Variants in KATNAL1 observed in about 807,000 individuals in gnomAD.
KATNAL1 encodes katanin p60 ATPase-containing subunit A-like 1.
Under a neutral mutation model 55.2 loss-of-function variants are expected in KATNAL1, and 32 were observed. The observed-to-expected ratio is 0.58, with a 90% CI of 0.44 to 0.78. KATNAL1 has a LOEUF of 0.78. Among genes scored for constraint, KATNAL1 ranks in the 30% least tolerant of loss-of-function variants. KATNAL1 has a pLI of 0.00. For synonymous variants in KATNAL1, 193 were observed against 193.6 expected (o/e 1.00, Z 0.02); for missense variants, 466 against 600.9 (o/e 0.78, Z 2.35).
intron 3 of KATNAL1, among the ~76,000 whole-genome samples, chr13:30,269,422 C>T (rs552231968): frequency 3.3e-5 from 5 of 152,260 alleles, no homozygotes; most frequent in African/African-American, 7.2e-5. Context: ...GGCGTGATCT[C>T]GGCTCGCTAC....
intron 9 of KATNAL1, among the ~76,000 whole-genome samples, chr13:30,215,421 G>C (rs28805029): frequency 0.099 from 15,068 of 152,184 alleles, 997 homozygotes; most frequent in East Asian, 0.35. Flanking sequence ...CATCCCATTA[G>C]TGGGTATATA....
chr13:30,225,842 T>C (rs750824845), intron 9 of KATNAL1, among the ~76,000 whole-genome samples: 26 of 152,104 alleles, frequency 1.7e-4, no homozygotes, highest in Non-Finnish European at 8.8e-5. Context: ...ATTTAAAATG[T>C]CTGCTTATTA....
At chr13:30,267,202 A>G (rs183187036) in intron 3 of KATNAL1, among the ~76,000 whole-genome samples, 7 of 152,300 alleles carry the variant, frequency 4.6e-5, no homozygotes, top group Admixed American at 2.0e-4. Flanking sequence ...TGAAAAACCT[A>G]AGATACTTAA....
chr13:30,284,630 CA>C (rs1483512172), intron 1 of KATNAL1, among the ~76,000 whole-genome samples: 2 of 152,134 alleles, frequency 1.3e-5, no homozygotes, highest in Non-Finnish European at 1.5e-5. Flanking sequence ...TAAATCTAAG[CA>C]AACACCTATA....
intron 3 of KATNAL1, among the ~76,000 whole-genome samples, chr13:30,277,054 T>G (rs1880898045): frequency 6.6e-6 from 1 of 152,220 alleles, no homozygotes; most frequent in South Asian, 2.1e-4. Flanking sequence ...GCTATCATCC[T>G]TTCCCTGAAA....
At chr13:30,243,507 C>T (rs1248481401) in intron 4 of KATNAL1, among the ~76,000 whole-genome samples, 1 of 150,664 alleles carries the variant, frequency 6.6e-6, no homozygotes, top group East Asian at 1.9e-4. Context: ...GGTTCAAAAC[C>T]CATGTCATAT....
Position 30,214,276 on chromosome 13 carries a change from T to G in KATNAL1, c.1148-3834A>C, listed in dbSNP as rs533025314. 1.3e-3 allele frequency among the ~76,000 whole-genome samples: 205 copies of G among 152,206 alleles called. 1 individual carries two copies. The highest frequency in any genetic ancestry group is 4.6e-3 in the African/African-American group (192 of 41,516). ...CACTCCTCAATGAAATAAAAGAGGA[T>G]ACAAAGAAATGGAAGAACATTCCAT... On this transcript the variant is annotated intron_variant, in intron 9 of 10. Coordinates refer to ENST00000380615, the MANE Select transcript of KATNAL1 (RefSeq NM_032116.5).
At chr13:30,246,982 G>A (rs181835526) in intron 4 of KATNAL1, among the ~76,000 whole-genome samples, 30 of 152,230 alleles carry the variant, frequency 2.0e-4, no homozygotes, top group East Asian at 7.7e-4. Context: ...AATGTGCCAC[G>A]TATTGTTCTA....
intron 4 of KATNAL1, among the ~76,000 whole-genome samples, chr13:30,242,582 A>G (rs1487212892): frequency 6.6e-6 from 1 of 152,184 alleles, no homozygotes; most frequent in Non-Finnish European, 1.5e-5. Context: ...CAGTATAATA[A>G]AATGTATTGC....
At chr13:30,299,687 A>T (rs889767355) in intron 1 of KATNAL1, among the ~76,000 whole-genome samples, 2 of 152,212 alleles carry the variant, frequency 1.3e-5, no homozygotes, top group African/African-American at 2.4e-5. Flanking sequence ...GAGATTATGT[A>T]TTCAAAAATA....
At chr13:30,213,124 A>T (rs1015741279) in intron 9 of KATNAL1, among the ~76,000 whole-genome samples, 1 of 152,218 alleles carries the variant, frequency 6.6e-6, no homozygotes, top group African/African-American at 2.4e-5. Context: ...ACAAACTACC[A>T]TCAGAGAATA....
At chr13:30,232,448 AG>A (rs1876196836) in intron 6 of KATNAL1, among the ~76,000 whole-genome samples, 1 of 152,344 alleles carries the variant, frequency 6.6e-6, no homozygotes, top group South Asian at 2.1e-4. Flanking sequence ...CAGATCAACC[AG>A]GAATCACTAA....
rs368995251 is a variant in KATNAL1, at chr13:30,303,833, T to C, written c.-15+3498A>G. Among the ~76,000 whole-genome samples, 63 of 152,336 alleles carry C rather than the reference T, an allele frequency of 4.1e-4. 1 individual carries two copies. Among genetic ancestry groups the C allele is most frequent in the Admixed American group, 1.5e-3 (23 of 15,304 alleles). On this transcript the variant is annotated intron_variant, in intron 1 of 10. Transcript: ENST00000380615. ...TTAACGGAAGCTTCATTTTAAAAAA[T>C]TGATTAGTCCTCAGACTCTAATCAT...
At chr13:30,231,574 A>C in intron 6 of KATNAL1, 102 bp from the exon 7 acceptor site, 2 of 690,124 alleles carry the variant, frequency 2.9e-6, no homozygotes, top group African/African-American at 1.9e-5. Flanking sequence ...CCATCAAAAG[A>C]TAAACTCAAA....
chr13:30,296,204 A>T lies in KATNAL1; in HGVS notation c.-15+11127T>A, dbSNP rs138662671. 662 of 775,390 alleles carry T rather than the reference A, an allele frequency of 8.5e-4. 5 individuals carry two copies. In the African/African-American group the frequency reaches 0.011, roughly 13 times the overall value. 48.0% of individuals were successfully genotyped at this position (775,390 alleles called of 1,614,324 possible). A position where few individuals can be genotyped will look rare whatever the true frequency, so the allele number is the denominator to read the frequency against. On this transcript the variant is annotated intron_variant, in intron 1 of 10. Transcript: ENST00000380615. ...TGCCCCTAACTTCAAGGCCACATCC[A>T]TGGTGGATGGCGCCTTCAAAGAGGT...
rs1873553871 is a variant in KATNAL1, at chr13:30,210,302, C to T, written c.1274+14G>A. On this transcript the variant is annotated intron_variant, in intron 10 of 10. Coordinates refer to ENST00000380615, the MANE Select transcript of KATNAL1 (RefSeq NM_032116.5). ...ATAACTAATGTCTAAAATCACAGAT[C>T]ATTAAAAAAATACCTGCAAACATTA... 1.9e-6 allele frequency: 3 copies of T among 1,577,598 alleles called. No individual in the cohort carries two copies. The highest frequency in any genetic ancestry group is 2.8e-5 in the African/African-American group (2 of 72,226).
In KATNAL1 at chr13:30,206,911, T is replaced by C. The variant is rs1450139056; in HGVS notation, c.*1629A>G. The C allele has an allele frequency of 6.6e-6, 1 of 152,198 alleles. No individual in the cohort carries two copies. The highest frequency in any genetic ancestry group is 2.4e-5 in the African/African-American group (1 of 41,452). 9.4% of individuals were successfully genotyped at this position (152,198 alleles called of 1,614,324 possible). ...TCATGATGTCTTATGATCTGGCATC[T>C]TATAATCTGTGTCTCAGAAAGAAGG... is the stretch of plus-strand genomic sequence containing the variant. On this transcript the variant is annotated 3_prime_UTR_variant, in exon 11 of 11. Transcript: ENST00000380615.
intron 9 of KATNAL1, among the ~76,000 whole-genome samples, chr13:30,215,920 T>C (rs1156512125): frequency 6.6e-6 from 1 of 152,054 alleles, no homozygotes; most frequent in African/African-American, 2.4e-5. Flanking sequence ...AAACTTAAAG[T>C]ATAATAATAA....
chr13:30,228,815 C>T (rs73163468), intron 8 of KATNAL1, among the ~76,000 whole-genome samples: 14,738 of 152,296 alleles, frequency 0.097, 948 homozygotes, highest in African/African-American at 0.18. Flanking sequence ...TGCCATGGCA[C>T]AATTACAGCT....
Sources: allele counts gnomAD v4.1 joint callset (sites outside exome capture counted in the v4.1 genomes callset), GRCh38; gene constraint gnomAD v4.1.1; transcripts MANE v1.5; gene names NCBI Gene and HGNC (gene_info 2026-07-23, HGNC 2026-07-21).